Variants in MYRIP observed in about 807,000 individuals in gnomAD.
MYRIP encodes the protein myosin VIIA and Rab interacting protein.
In MYRIP, 49 loss-of-function variants were observed where a neutral mutation model predicts 98.0. That is an observed-to-expected ratio of 0.50 (90% confidence interval 0.40 to 0.63). The LOEUF is 0.63. Ranked by LOEUF, MYRIP falls within the 30% of genes least tolerant of loss-of-function variation. MYRIP has a pLI of 0.00. For missense variants in MYRIP, 1,004 were observed against 1,058.2 expected (o/e 0.95, Z 0.71); for synonymous variants, 404 against 409.5 (o/e 0.99, Z 0.16).
chr3:39,829,990 C>T (rs898024897), intron 1 of MYRIP, among the ~76,000 whole-genome samples: 1 of 152,182 alleles, frequency 6.6e-6, no homozygotes, highest in African/African-American at 2.4e-5. Context: ...TAGACTTTGT[C>T]ATTCCTAGTA....
intron 2 of MYRIP, among the ~76,000 whole-genome samples, chr3:39,995,239 G>A (rs371157780): frequency 2.3e-4 from 35 of 152,226 alleles, no homozygotes; most frequent in African/African-American, 7.7e-4. Flanking sequence ...AAAGTACTCC[G>A]AGCTAAAGGA....
At chr3:40,144,119 T>C (rs1245034844) in intron 3 of MYRIP, among the ~76,000 whole-genome samples, 1 of 152,214 alleles carries the variant, frequency 6.6e-6, no homozygotes. Context: ...TCAAAAAGCC[T>C]TGAACAAACA....
intron 1 of MYRIP, among the ~76,000 whole-genome samples, chr3:39,870,843 G>A (rs538877433): frequency 7.3e-4 from 111 of 152,150 alleles, no homozygotes; most frequent in African/African-American, 2.6e-3. Flanking sequence ...GCTTTCTTTG[G>A]GTCTCAGCAG....
At chr3:39,928,122 A>C (rs1184455825) in intron 2 of MYRIP, among the ~76,000 whole-genome samples, 2 of 151,952 alleles carry the variant, frequency 1.3e-5, no homozygotes, top group East Asian at 3.9e-4. Context: ...AGTTACTATA[A>C]CTCACTCAAT....
chr3:39,822,020 G>A (rs1208703584), intron 1 of MYRIP, among the ~76,000 whole-genome samples: 2 of 152,118 alleles, frequency 1.3e-5, no homozygotes, highest in Non-Finnish European at 2.9e-5. Flanking sequence ...GTATATGAAA[G>A]CCAATTTATT....
intron 5 of MYRIP, among the ~76,000 whole-genome samples, chr3:40,165,512 A>C (rs1433999261): frequency 6.6e-6 from 1 of 152,200 alleles, no homozygotes; most frequent in Admixed American, 6.5e-5. Context: ...TTATAAATGG[A>C]AACAGGAGGT....
intron 3 of MYRIP, among the ~76,000 whole-genome samples, chr3:40,069,174 C>T (rs975962565): frequency 3.3e-5 from 5 of 152,102 alleles, no homozygotes; most frequent in Non-Finnish European, 7.4e-5. Flanking sequence ...GGGAGAGAAA[C>T]ATGTCACCAC....
At chr3:40,014,223 A>C (rs1946816058) in intron 2 of MYRIP, among the ~76,000 whole-genome samples, 1 of 152,220 alleles carries the variant, frequency 6.6e-6, no homozygotes, top group Non-Finnish European at 1.5e-5. Flanking sequence ...ACATTTCCAG[A>C]ATTCCCAAGA....
chr3:40,158,338 T>C (rs1489967598), intron 4 of MYRIP, among the ~76,000 whole-genome samples: 3 of 152,236 alleles, frequency 2.0e-5, no homozygotes. Context: ...AGTTCTAGTT[T>C]GATTGCGCTG....
chr3:40,067,134 T>C (rs1575509811), intron 3 of MYRIP, among the ~76,000 whole-genome samples: 1 of 152,206 alleles, frequency 6.6e-6, no homozygotes, highest in East Asian at 1.9e-4. Context: ...TGCTATTGAT[T>C]GTCAGAGATT....
chr3:39,893,227 A>T (rs1302688165), intron 1 of MYRIP, among the ~76,000 whole-genome samples: 1 of 152,128 alleles, frequency 6.6e-6, no homozygotes, highest in African/African-American at 2.4e-5. Context: ...TTACACTAAG[A>T]TCTGCAATTA....
chr3:40,242,662 T>G (rs1264820335), intron 12 of MYRIP, among the ~76,000 whole-genome samples: 1 of 152,216 alleles, frequency 6.6e-6, no homozygotes, highest in African/African-American at 2.4e-5. Context: ...ACCACTGCCA[T>G]GCTTAAATTA....
chr3:39,957,544 T>C (rs1945200032), intron 2 of MYRIP, among the ~76,000 whole-genome samples: 1 of 152,112 alleles, frequency 6.6e-6, no homozygotes, highest in African/African-American at 2.4e-5. Flanking sequence ...TAATAAGAGC[T>C]ATTTATGACA....
chr3:39,813,038 T>G (rs1940752825), intron 1 of MYRIP, among the ~76,000 whole-genome samples: 1 of 152,112 alleles, frequency 6.6e-6, no homozygotes, highest in Non-Finnish European at 1.5e-5. Context: ...GTTAAGGTGG[T>G]GTGTCCTTGT....
intron 3 of MYRIP, among the ~76,000 whole-genome samples, chr3:40,049,219 C>T (rs772078024): frequency 6.6e-6 from 1 of 152,108 alleles, no homozygotes; most frequent in African/African-American, 2.4e-5. Flanking sequence ...CTGTGCTTCA[C>T]AGATATTACA....
At chr3:39,845,657 A>G (rs563453332) in intron 1 of MYRIP, among the ~76,000 whole-genome samples, 2 of 152,262 alleles carry the variant, frequency 1.3e-5, no homozygotes, top group Non-Finnish European at 2.9e-5. Flanking sequence ...TTTCCAATAA[A>G]TCAGTCAACA....
chr3:39,952,495 T>G (rs1473041354), intron 2 of MYRIP, among the ~76,000 whole-genome samples: 2 of 152,230 alleles, frequency 1.3e-5, no homozygotes, highest in African/African-American at 4.8e-5. Context: ...ATTTCAAATG[T>G]TACAAATCCC....
At chr3:39,963,384 TC>T (rs749461183) in intron 2 of MYRIP, among the ~76,000 whole-genome samples, 9 of 152,192 alleles carry the variant, frequency 5.9e-5, no homozygotes, top group African/African-American at 9.6e-5. Context: ...CTATCTAATC[TC>T]TTTTTTCTCA....
At position 39,900,148 on chromosome 3, in the gene MYRIP, C is replaced by G. The variant is rs377160864; in HGVS notation, c.-30-639C>G. 1.2e-3 allele frequency among the ~76,000 whole-genome samples: 190 copies of G among 152,202 alleles called. 3 individuals are homozygous for G. In the South Asian group the frequency reaches 0.036, roughly 29 times the overall value. On this transcript the variant is annotated intron_variant, in intron 1 of 16. Transcript: ENST00000302541. Reference sequence around the variant, plus strand: ...CAATTATTTTTAAAAATAGAGTTTCCCATAATTTTTAGGTATGTACTGCTT... The same window carrying G: ...CAATTATTTTTAAAAATAGAGTTTCGCATAATTTTTAGGTATGTACTGCTT...
Sources: allele counts gnomAD v4.1 joint callset (sites outside exome capture counted in the v4.1 genomes callset), GRCh38; gene constraint gnomAD v4.1.1; transcripts MANE v1.5; gene names NCBI Gene and HGNC (gene_info 2026-07-23, HGNC 2026-07-21).